The following SORCS3 variants were observed in gnomAD, a reference collection of about 807,000 sequenced individuals.
SORCS3 encodes sortilin related VPS10 domain containing receptor 3.
Under a neutral mutation model 146.3 loss-of-function variants are expected in SORCS3, and 57 were observed. That is an observed-to-expected ratio of 0.39 (90% confidence interval 0.31 to 0.49). The LOEUF is 0.49. SORCS3 is among the 20% of genes least tolerant of loss of function. SORCS3 has a pLI of 0.92. For synonymous variants in SORCS3, 653 were observed against 618.5 expected (o/e 1.06, Z -0.83); for missense variants, 1,341 against 1,575.5 (o/e 0.85, Z 2.52).
intron 1 of SORCS3, among the ~76,000 whole-genome samples, chr10:104,818,650 T>C (rs1400272905): frequency 1.3e-5 from 2 of 152,184 alleles, no homozygotes; most frequent in African/African-American, 4.8e-5. Flanking sequence ...TCTGAGCTTA[T>C]GTCAGTTCCA....
At chr10:105,116,578 T>G (rs1052268969) in intron 7 of SORCS3, among the ~76,000 whole-genome samples, 5 of 152,142 alleles carry the variant, frequency 3.3e-5, no homozygotes, top group African/African-American at 1.2e-4. Flanking sequence ...TAAAGACACA[T>G]GCACACATGT....
intron 4 of SORCS3, among the ~76,000 whole-genome samples, chr10:105,003,756 C>T (rs1306118861): frequency 6.6e-6 from 1 of 152,090 alleles, no homozygotes; most frequent in Non-Finnish European, 1.5e-5. Context: ...TTGATTTATT[C>T]CATGGGCTCC....
intron 5 of SORCS3, among the ~76,000 whole-genome samples, chr10:105,077,858 G>C (rs1473851426): frequency 6.6e-6 from 1 of 152,174 alleles, no homozygotes; most frequent in East Asian, 1.9e-4. Flanking sequence ...ACAGACATGG[G>C]TGTCAGTGTC....
chr10:104,725,317 G>T (rs1030119015), intron 1 of SORCS3, among the ~76,000 whole-genome samples: 1 of 152,230 alleles, frequency 6.6e-6, no homozygotes, highest in Non-Finnish European at 1.5e-5. Flanking sequence ...AAATGTTGCT[G>T]CCTGATCATT....
chr10:104,972,473 C>T (rs1488368060), intron 3 of SORCS3, among the ~76,000 whole-genome samples: 1 of 152,104 alleles, frequency 6.6e-6, no homozygotes, highest in East Asian at 1.9e-4. Context: ...AATCATAAAA[C>T]CACTTAATTA....
chr10:104,838,914 T>C (rs908516680), intron 1 of SORCS3, among the ~76,000 whole-genome samples: 1 of 152,092 alleles, frequency 6.6e-6, no homozygotes, highest in Non-Finnish European at 1.5e-5. Flanking sequence ...GCTTTATTCA[T>C]GGAATGGGAG....
At chr10:104,807,575 C>T (rs1455905938) in intron 1 of SORCS3, among the ~76,000 whole-genome samples, 2 of 152,148 alleles carry the variant, frequency 1.3e-5, no homozygotes, top group Admixed American at 1.3e-4. Context: ...AAGAATCCTA[C>T]GTTTAGAGCG....
chr10:104,845,537 G>T (rs182052185), intron 2 of SORCS3, among the ~76,000 whole-genome samples: 1 of 152,192 alleles, frequency 6.6e-6, no homozygotes, highest in East Asian at 1.9e-4. Context: ...TGTTTGGATA[G>T]CATTTTCATT....
At chr10:105,075,672 A>C (rs2055584337) in intron 5 of SORCS3, among the ~76,000 whole-genome samples, 1 of 152,176 alleles carries the variant, frequency 6.6e-6, no homozygotes, top group Non-Finnish European at 1.5e-5. Context: ...GGAGCAGAAC[A>C]GGAGGCTTTC....
In SORCS3 at chr10:105,133,121, G is replaced by A. The variant is rs527452961; in HGVS notation, c.1213-6276G>A. Among the ~76,000 whole-genome samples the A allele has an allele frequency of 2.6e-5, 4 of 152,282 alleles. No individual in the cohort carries two copies. In the East Asian group the frequency reaches 7.7e-4, roughly 29 times the overall value. ...GTGAGGACTCTGCCCCTGAAGGGCT[G>A]TGCGATCTTTGGAAAATAAATTCCT... On this transcript the variant is annotated intron_variant, in intron 7 of 26. Transcript: ENST00000369701.
At chr10:104,721,569 G>A (rs929551229) in intron 1 of SORCS3, among the ~76,000 whole-genome samples, 24 of 152,192 alleles carry the variant, frequency 1.6e-4, no homozygotes, top group African/African-American at 5.5e-4. Context: ...ACCTTGGGCA[G>A]TATGGCCATT....
intron 4 of SORCS3, among the ~76,000 whole-genome samples, chr10:105,019,175 A>G (rs920709475): frequency 2.1e-4 from 32 of 152,308 alleles, no homozygotes; most frequent in African/African-American, 7.5e-4. Flanking sequence ...TAAAATTTCT[A>G]CAAAACTACA....
chr10:104,767,614 T>G, intron 1 of SORCS3, among the ~76,000 whole-genome samples: 2 of 86,158 alleles, frequency 2.3e-5, no homozygotes, highest in Admixed American at 1.5e-4. Flanking sequence ...CCCTTCCCCC[T>G]TCCCCTTTTC....
chr10:104,770,855 A>G (rs1307552150), intron 1 of SORCS3, among the ~76,000 whole-genome samples: 1 of 152,038 alleles, frequency 6.6e-6, no homozygotes, highest in Non-Finnish European at 1.5e-5. Context: ...CAAAGAAGAA[A>G]TGAAAACAGT....
At chr10:105,191,539 G>T (rs987612153) in intron 14 of SORCS3, among the ~76,000 whole-genome samples, 1 of 152,174 alleles carries the variant, frequency 6.6e-6, no homozygotes, top group East Asian at 1.9e-4. Flanking sequence ...TAGTCCAAAG[G>T]TTAGTATGAT....
chr10:105,017,313 A>G (rs1303641179), intron 4 of SORCS3, among the ~76,000 whole-genome samples: 1 of 152,182 alleles, frequency 6.6e-6, no homozygotes, highest in Non-Finnish European at 1.5e-5. Context: ...AGTGACTCAC[A>G]GGACTCCAAG....
chr10:105,032,456 C>A (rs1292800466), intron 4 of SORCS3, among the ~76,000 whole-genome samples: 1 of 152,056 alleles, frequency 6.6e-6, no homozygotes, highest in Non-Finnish European at 1.5e-5. Context: ...TTTTTTACTC[C>A]TCTGAAAGAA....
intron 1 of SORCS3, among the ~76,000 whole-genome samples, chr10:104,787,357 G>A (rs1467431543): frequency 6.6e-6 from 1 of 152,200 alleles, no homozygotes; most frequent in Non-Finnish European, 1.5e-5. Context: ...TAATTTTGCA[G>A]AATGATGAAG....
At chr10:104,775,709 A>T (rs2017300721) in intron 1 of SORCS3, among the ~76,000 whole-genome samples, 1 of 152,200 alleles carries the variant, frequency 6.6e-6, no homozygotes, top group Admixed American at 6.5e-5. Context: ...ACCATAGTTG[A>T]AATTCTCCAG....
Sources: allele counts gnomAD v4.1 joint callset (sites outside exome capture counted in the v4.1 genomes callset), GRCh38; gene constraint gnomAD v4.1.1; transcripts MANE v1.5; gene names NCBI Gene and HGNC (gene_info 2026-07-23, HGNC 2026-07-21).